Variants in COPA observed in about 807,000 individuals in gnomAD.
The protein encoded by COPA is coatomer subunit alpha.
In COPA, 10 loss-of-function variants were observed where a neutral mutation model predicts 158.7. The ratio of observed to expected loss-of-function variants is 0.06; its 90% CI spans 0.04 to 0.11. The LOEUF (loss-of-function observed/expected upper bound fraction) is 0.11, where lower values mean the gene tolerates loss of function less well. COPA is among the 10% of genes least tolerant of loss of function. The probability of loss-of-function intolerance (pLI) is 1.00; values close to 1 mark genes in which losing one functional copy is unlikely to be tolerated. For synonymous variants in COPA, 462 were observed against 542.8 expected (o/e 0.85, Z 2.07); for missense variants, 1,065 against 1,536.7 (o/e 0.69, Z 5.13).
chr1:160,311,037 CT>C (rs1450917610), intron 11 of COPA, among the ~76,000 whole-genome samples: 1 of 152,190 alleles, frequency 6.6e-6, no homozygotes, highest in Non-Finnish European at 1.5e-5. Flanking sequence ...AACTATCATT[CT>C]ACTCATGACC....
In COPA at chr1:160,293,320, C is replaced by T. The variant is rs1481509107; in HGVS notation, c.2754+66G>A. 14 of 1,609,392 alleles carry T rather than the reference C, an allele frequency of 8.7e-6. No individual in the cohort carries two copies. The South Asian group carries it at 8.8e-5, about 10-fold the overall frequency. On this transcript the variant is annotated intron_variant, in intron 26 of 32. Transcript: ENST00000241704. ...GTAACTATAGTAGAAAAGTAGCCAA[C>T]ACCTGTTATATACCAATCAAGTATT...
rs1658347294 is a variant in COPA, at chr1:160,294,813, C to T, written c.2521G>A (p.Gly841Ser). The stretch of plus-strand genomic sequence containing the variant: ...GCATCCTCTCCCCAGCCCTCTGTAC[C>T]AACAGTGTCAATGTCAATGTCAGCA... ...LAADIDIDTV[G>S]TEGWGEDAEL... Residue 841 changes from glycine to serine, a missense_variant, in exon 24 of 33, where the codon GGT (glycine) becomes AGT (serine). Coordinates refer to ENST00000241704, the MANE Select transcript of COPA (RefSeq NM_004371.4). 1 of 1,614,006 alleles carries T rather than the reference C, an allele frequency of 6.2e-7. No homozygotes were observed. Among genetic ancestry groups the T allele is most frequent in the Admixed American group, 1.7e-5 (1 of 59,994 alleles).
At chr1:160,291,576 A>T in intron 30 of COPA, 80 bp from the exon 31 acceptor site, 2 of 1,501,784 alleles carry the variant, frequency 1.3e-6, no homozygotes, top group African/African-American at 1.4e-5. Context: ...ACACATGCAT[A>T]AAAAACACAA....
In COPA at chr1:160,328,215, C is replaced by T. The variant is rs928521402; in HGVS notation, c.497-2563G>A. ...AATAAGATCTGTCAACTTTTTCTAA[C>T]GAGTCTGGTATATGAAACAGATTCA... On this transcript the variant is annotated intron_variant, in intron 6 of 32. Coordinates refer to ENST00000241704, the MANE Select transcript of COPA (RefSeq NM_004371.4). Among the ~76,000 whole-genome samples, 48 of 152,260 alleles carry T rather than the reference C, an allele frequency of 3.2e-4. 1 individual carries two copies. Among genetic ancestry groups the T allele is most frequent in the African/African-American group, 1.0e-3 (42 of 41,542 alleles).
intron 17 of COPA, among the ~76,000 whole-genome samples, chr1:160,301,668 G>T (rs964565027): frequency 6.6e-6 from 1 of 152,158 alleles, no homozygotes; most frequent in Non-Finnish European, 1.5e-5. Context: ...AGCTACTTGG[G>T]AGGCTGAGCT....
chr1:160,315,141 C>T (rs1178159375), intron 8 of COPA, among the ~76,000 whole-genome samples: 1 of 152,114 alleles, frequency 6.6e-6, no homozygotes, highest in Non-Finnish European at 1.5e-5. Flanking sequence ...ATGGTAAGAG[C>T]ATCTGATTTC....
At chr1:160,296,277 C>A (rs1453392692) in intron 21 of COPA, 128 bp from the exon 22 acceptor site, 2 of 705,474 alleles carry the variant, frequency 2.8e-6, no homozygotes, top group East Asian at 2.6e-5. Flanking sequence ...AAATACCCAC[C>A]TCTTAAGTGT....
chr1:160,313,908 TGA>T lies in COPA; in HGVS notation c.842+80_842+81del, dbSNP rs1659053915. 22 of 1,285,720 alleles carry T rather than the reference TGA, an allele frequency of 1.7e-5. No homozygotes were observed. The South Asian group carries it at 3.6e-4, about 21-fold the overall frequency. The allele number at this position is 1,285,720 out of a possible 1,614,324, so 79.6% of individuals were successfully genotyped here. On this transcript the variant is annotated intron_variant, in intron 9 of 32. Coordinates refer to ENST00000241704, the MANE Select transcript of COPA (RefSeq NM_004371.4). Reference sequence around the variant, plus strand: ...TGATTTGTCTACATGCTGAAGATGATGAGAGACATAAAGAAGTATTCCAATCT... The same window carrying T: ...TGATTTGTCTACATGCTGAAGATGATGAGACATAAAGAAGTATTCCAATCT...
In COPA at chr1:160,313,065, A is replaced by C; in HGVS notation, c.925+20T>G. On this transcript the variant is annotated intron_variant, in intron 10 of 32. Transcript: ENST00000241704. ...AAACTTTGAATTAAGCAAAGAAAAAAGAGAGAAAATGGCCCTTACCTGCTG... is the reference window on the plus strand; with the variant it reads ...AAACTTTGAATTAAGCAAAGAAAAACGAGAGAAAATGGCCCTTACCTGCTG... The C allele has an allele frequency of 6.2e-7, 1 of 1,605,432 alleles. No individual in the cohort carries two copies. Among genetic ancestry groups the C allele is most frequent in the East Asian group, 2.2e-5 (1 of 44,830 alleles).
chr1:160,314,314 G>C (rs1052278535), intron 8 of COPA, among the ~76,000 whole-genome samples, 189 bp from the exon 9 acceptor site: 7 of 152,032 alleles, frequency 4.6e-5, no homozygotes, highest in Non-Finnish European at 7.4e-5. Flanking sequence ...CTTTCATTCT[G>C]ACCCTCTTAT....
chr1:160,336,987 C>A (rs1175778958), intron 3 of COPA, among the ~76,000 whole-genome samples: 4 of 152,128 alleles, frequency 2.6e-5, no homozygotes, highest in African/African-American at 9.7e-5. Flanking sequence ...ATAAGAATAA[C>A]ATGAAAAGTT....
intron 4 of COPA, among the ~76,000 whole-genome samples, 197 bp from the exon 5 acceptor site, chr1:160,333,876 A>T (rs1257722437): frequency 1.3e-5 from 2 of 152,132 alleles, no homozygotes; most frequent in East Asian, 3.8e-4. Context: ...CGGCACTTTC[A>T]CCTATAAGAC....
At chr1:160,295,479 C>T (rs1658368635) in intron 23 of COPA, among the ~76,000 whole-genome samples, 1 of 152,142 alleles carries the variant, frequency 6.6e-6, no homozygotes, top group Admixed American at 6.5e-5. Flanking sequence ...TAAGAAAATA[C>T]ACCAAAATAT....
intron 17 of COPA, among the ~76,000 whole-genome samples, 168 bp from the exon 18 acceptor site, chr1:160,299,432 T>C (rs1197339692): frequency 1.3e-5 from 2 of 152,186 alleles, no homozygotes; most frequent in African/African-American, 2.4e-5. Context: ...ATCATATTCT[T>C]TCTACGATGG....
At chr1:160,333,715 A>C (rs1322121344) in intron 4 of COPA, 36 bp from the exon 5 acceptor site, 1 of 1,519,130 alleles carries the variant, frequency 6.6e-7, no homozygotes, top group Non-Finnish European at 9.1e-7. Flanking sequence ...TTAAACATTA[A>C]ACAAATCTGT....
rs753139776 is a variant in COPA, at chr1:160,293,254, C to T, written c.2755-20G>A. On this transcript the variant is annotated intron_variant, in intron 26 of 32. Coordinates refer to ENST00000241704, the MANE Select transcript of COPA (RefSeq NM_004371.4). The stretch of plus-strand genomic sequence containing the variant: ...CCAGATCTAACAAGAAACAAAAAAA[C>T]CCAAGCCAAGTGAAACTTTGTCCCT... The T allele has an allele frequency of 2.5e-6, 4 of 1,613,862 alleles. No homozygotes were observed. The highest frequency in any genetic ancestry group is 1.7e-6 in the Non-Finnish European group (2 of 1,179,972).
chr1:160,318,492 CAAAAAAAAA>C (rs1184111001), intron 8 of COPA, among the ~76,000 whole-genome samples: 1 of 58,078 alleles, frequency 1.7e-5, no homozygotes, highest in Non-Finnish European at 2.8e-5. Context: ...AAAAAAAAAA[CAAAAAAAAA>C]AAAAAAACAC....
At chr1:160,313,941 T>G in intron 9 of COPA, 49 bp downstream of exon 9, 1 of 1,509,644 alleles carries the variant, frequency 6.6e-7, no homozygotes, top group African/African-American at 1.4e-5. Flanking sequence ...AATCTAATTT[T>G]AAAAGAGAGA....
chr1:160,296,876 C>T (rs946585897), intron 21 of COPA, among the ~76,000 whole-genome samples: 1 of 152,080 alleles, frequency 6.6e-6, no homozygotes, highest in Non-Finnish European at 1.5e-5. Flanking sequence ...ACTGCTCACC[C>T]CTCCACTAAT....
Sources: gnomAD v4.1 joint callset for allele counts (sites outside exome capture counted in the v4.1 genomes callset) on GRCh38, gnomAD v4.1.1 for gene constraint, MANE v1.5 for transcripts, NCBI Gene and HGNC (gene_info 2026-07-23, HGNC 2026-07-21) for gene names.